Variants in GRB14 observed in about 807,000 individuals in gnomAD.
GRB14 encodes growth factor receptor-bound protein 14.
In GRB14, 38 loss-of-function variants were observed where a neutral mutation model predicts 69.1. That is an observed-to-expected ratio of 0.55 (90% CI 0.42 to 0.72). The LOEUF (loss-of-function observed/expected upper bound fraction) is 0.72. GRB14 is among the 30% of genes least tolerant of loss of function. The probability of loss-of-function intolerance (pLI) is 0.00; values close to 1 mark genes in which losing one functional copy is unlikely to be tolerated. For synonymous variants in GRB14, 247 were observed against 241.3 expected (o/e 1.02, Z -0.22); for missense variants, 666 against 666.1 (o/e 1.00, Z 0.00).
In GRB14 at chr2:164,560,539, G is replaced by A. The variant is rs1688795866; in HGVS notation, c.325-12723C>T. Among the ~76,000 whole-genome samples the A allele has an allele frequency of 2.0e-5, 3 of 151,946 alleles. No homozygotes were observed. The South Asian group carries it at 6.2e-4, about 32-fold the overall frequency. Reference sequence around the variant, plus strand: ...ATTTTTTCAGAATTAGTAAATATTTGAATTTTTAAGATAAATGATTTCTAC... The same window carrying A: ...ATTTTTTCAGAATTAGTAAATATTTAAATTTTTAAGATAAATGATTTCTAC... On this transcript the variant is annotated intron_variant, in intron 2 of 13. Coordinates refer to ENST00000263915, the MANE Select transcript of GRB14 (RefSeq NM_004490.3).
chr2:164,529,974 A>C (rs551006713), intron 3 of GRB14, among the ~76,000 whole-genome samples: 1 of 152,348 alleles, frequency 6.6e-6, no homozygotes, highest in South Asian at 2.1e-4. Context: ...AGTGGAGAAG[A>C]CAGTAACAAA....
In GRB14 at chr2:164,509,724, C is replaced by T. The variant is rs932019213; in HGVS notation, c.817-872G>A. Among the ~76,000 whole-genome samples the T allele has an allele frequency of 1.5e-4, 22 of 146,480 alleles. 1 individual carries two copies. Among genetic ancestry groups the T allele is most frequent in the Non-Finnish European group, 2.7e-4 (18 of 66,820 alleles). ...ACTTTCAGGGCTCATCCCAGACCTC[C>T]TGAATCAGTATCTGCATTTTAACAA... is the stretch of plus-strand genomic sequence containing the variant. On this transcript the variant is annotated intron_variant, in intron 6 of 13. Transcript: ENST00000263915.
chr2:164,504,568 G>A (rs942984386), intron 8 of GRB14, among the ~76,000 whole-genome samples: 2 of 152,148 alleles, frequency 1.3e-5, no homozygotes, highest in Admixed American at 6.5e-5. Context: ...CAGTGTAAAA[G>A]AGATCATATC....
Position 164,547,793 on chromosome 2 carries a change from A to G in GRB14, c.348T>C (p.Asp116=), listed in dbSNP as rs764326582. 6 of 1,613,370 alleles carry G rather than the reference A, an allele frequency of 3.7e-6. No homozygotes were observed. In the South Asian group the frequency reaches 6.6e-5, roughly 18 times the overall value. ...KKQVIKVYSE[D]ETSRALDVPS... ...GTACATCTAAAGCCCTGCTGGTTTC[A>G]TCTTCACTGTATACTTTAATCACCT... is the stretch of plus-strand genomic sequence containing the variant. Residue 116 remains aspartate (D), a synonymous_variant, in exon 3 of 14, where the codon GAT becomes GAC. Coordinates refer to ENST00000263915, the MANE Select transcript of GRB14 (RefSeq NM_004490.3).
intron 2 of GRB14, among the ~76,000 whole-genome samples, chr2:164,617,962 G>GGC (rs1225491936): frequency 8.5e-6 from 1 of 118,026 alleles, no homozygotes; most frequent in African/African-American, 3.7e-5. Flanking sequence ...TTTTTTTTGG[G>GGC]GGGGGGGGGG....
intron 3 of GRB14, among the ~76,000 whole-genome samples, chr2:164,539,462 C>T (rs192685123): frequency 4.3e-4 from 53 of 124,582 alleles, no homozygotes; most frequent in African/African-American, 1.4e-3. Flanking sequence ...CGACAGACGG[C>T]GACTCCATCT....
At chr2:164,550,858 G>T (rs1254099566) in intron 2 of GRB14, among the ~76,000 whole-genome samples, 1 of 152,122 alleles carries the variant, frequency 6.6e-6, no homozygotes, top group Non-Finnish European at 1.5e-5. Flanking sequence ...ACTTGGCTTT[G>T]TCTACCAGTC....
At chr2:164,595,043 T>C (rs185351934) in intron 2 of GRB14, among the ~76,000 whole-genome samples, 175 of 152,310 alleles carry the variant, frequency 1.1e-3, no homozygotes, top group African/African-American at 4.0e-3. Context: ...GTCTGTTTCA[T>C]TCACCAGTGC....
At chr2:164,528,399 G>A (rs1028787184) in intron 3 of GRB14, among the ~76,000 whole-genome samples, 2 of 152,088 alleles carry the variant, frequency 1.3e-5, no homozygotes, top group Non-Finnish European at 2.9e-5. Flanking sequence ...GAAACTCTCT[G>A]CTGTTTTACT....
intron 1 of GRB14, among the ~76,000 whole-genome samples, chr2:164,620,883 G>A (rs1021325770): frequency 6.6e-6 from 1 of 152,176 alleles, no homozygotes; most frequent in African/African-American, 2.4e-5. Context: ...ACCACCGATG[G>A]GCAGAGGCGA....
At chr2:164,547,564 C>A in intron 3 of GRB14, 96 bp downstream of exon 3, 1 of 996,000 alleles carries the variant, frequency 1.0e-6, no homozygotes, top group Middle Eastern at 2.4e-4. Flanking sequence ...AGAAAATTAT[C>A]TCAAAACACC....
intron 2 of GRB14, among the ~76,000 whole-genome samples, chr2:164,585,640 A>G (rs1217773714): frequency 1.3e-5 from 2 of 152,220 alleles, no homozygotes; most frequent in Non-Finnish European, 2.9e-5. Context: ...TCATGTCACA[A>G]TATATACATA....
intron 2 of GRB14, among the ~76,000 whole-genome samples, chr2:164,563,591 T>C (rs1405347275): frequency 2.6e-5 from 4 of 152,082 alleles, no homozygotes; most frequent in Non-Finnish European, 4.4e-5. Context: ...TATCTTTCCA[T>C]AAAAGGAAAA....
At chr2:164,602,198 A>AAGGGAAGGGT (rs1689932823) in intron 2 of GRB14, among the ~76,000 whole-genome samples, 1 of 147,388 alleles carries the variant, frequency 6.8e-6, no homozygotes, top group Non-Finnish European at 1.5e-5. Context: ...AAGGGAAGGG[A>AAGGGAAGGGT]GGGGAGGGGA....
intron 2 of GRB14, among the ~76,000 whole-genome samples, chr2:164,561,409 G>C (rs1218597265): frequency 6.6e-6 from 1 of 152,188 alleles, no homozygotes; most frequent in Non-Finnish European, 1.5e-5. Flanking sequence ...CTACAGTCCT[G>C]TTGAGCTCTA....
chr2:164,525,957 TACAAA>T (rs1249383411), intron 4 of GRB14, among the ~76,000 whole-genome samples: 2 of 152,044 alleles, frequency 1.3e-5, no homozygotes, highest in African/African-American at 2.4e-5. Context: ...GCAATAGGTC[TACAAA>T]ACAAATGTCC....
intron 2 of GRB14, among the ~76,000 whole-genome samples, chr2:164,548,821 C>A (rs1367178450): frequency 6.6e-6 from 1 of 152,046 alleles, no homozygotes; most frequent in African/African-American, 2.4e-5. Context: ...GTGATGTTGA[C>A]CACCTTTTCA....
At chr2:164,572,954 GC>G (rs1202304983) in intron 2 of GRB14, among the ~76,000 whole-genome samples, 1 of 152,066 alleles carries the variant, frequency 6.6e-6, no homozygotes, top group Admixed American at 6.6e-5. Flanking sequence ...ATTGTGCTGT[GC>G]CCCCTTGGGA....
rs191354161 is a variant in GRB14 at position 164,524,844 on chromosome 2, T to C, written c.678+160A>G. On this transcript the variant is annotated intron_variant, in intron 5 of 13. Transcript: ENST00000263915. ...AGAGCTTTATTGATTTAGGACATTC[T>C]TTGCCTGGGTGCATTTTTTTTTTAG... Among the ~76,000 whole-genome samples, 568 of 152,126 alleles carry C rather than the reference T, an allele frequency of 3.7e-3. 3 individuals carry two copies. Among genetic ancestry groups the C allele is most frequent in the African/African-American group, 0.013 (541 of 41,544 alleles).
Sources: gnomAD v4.1 joint callset for allele counts (sites outside exome capture counted in the v4.1 genomes callset) on GRCh38, gnomAD v4.1.1 for gene constraint, MANE v1.5 for transcripts, NCBI Gene and HGNC (gene_info 2026-07-23, HGNC 2026-07-21) for gene names.